SCUBE1: variants seen among roughly 807,000 people sequenced by gnomAD.
SCUBE1 encodes the protein signal peptide, CUB and EGF-like domain-containing protein 1.
Under a neutral mutation model 124.4 loss-of-function variants are expected in SCUBE1, and 59 were observed. That is an observed-to-expected ratio of 0.47 (90% CI 0.38 to 0.59). The LOEUF (loss-of-function observed/expected upper bound fraction) is 0.59. Among genes scored for constraint, SCUBE1 ranks in the 20% least tolerant of loss-of-function variants. The pLI is 0.00. For synonymous variants in SCUBE1, 545 were observed against 550.9 expected (o/e 0.99, Z 0.15); for missense variants, 1,150 against 1,371.2 (o/e 0.84, Z 2.55).
rs1920990107 is a variant in SCUBE1 at position 43,200,838 on chromosome 22, G to A, written c.*3159C>T. 1 of 152,350 alleles carries A rather than the reference G, an allele frequency of 6.6e-6. No individual in the cohort carries two copies. The highest frequency in any genetic ancestry group is 1.5e-5 in the Non-Finnish European group (1 of 68,122). 9.4% of individuals were successfully genotyped at this position (152,350 alleles called of 1,614,324 possible). On this transcript the variant is annotated 3_prime_UTR_variant, in exon 22 of 22. Coordinates refer to ENST00000360835, the MANE Select transcript of SCUBE1 (RefSeq NM_173050.5). ...GCACCTGCCCATCCAACTTTGCCCT[G>A]GGCACACTGGGCATGGTCTGACCAC...
chr22:43,259,511 C>G (rs1406725711), intron 5 of SCUBE1, among the ~76,000 whole-genome samples: 2 of 152,214 alleles, frequency 1.3e-5, no homozygotes, highest in Non-Finnish European at 2.9e-5. Context: ...GGGAAGTCAA[C>G]TGGTGGCAAC....
chr22:43,241,379 C>T (rs1476406921), intron 6 of SCUBE1, among the ~76,000 whole-genome samples: 8 of 152,108 alleles, frequency 5.3e-5, no homozygotes, highest in African/African-American at 1.9e-4. Flanking sequence ...CCCTCCTCTT[C>T]CCTGAAGAGG....
chr22:43,324,949 G>T (rs1439272147), intron 2 of SCUBE1, among the ~76,000 whole-genome samples: 1 of 148,238 alleles, frequency 6.7e-6, no homozygotes, highest in African/African-American at 2.5e-5. Flanking sequence ...TTCAGATGAG[G>T]TCATACTAGA....
intron 2 of SCUBE1, among the ~76,000 whole-genome samples, chr22:43,321,471 A>T (rs888600272): frequency 1.3e-5 from 2 of 152,162 alleles, no homozygotes; most frequent in Non-Finnish European, 2.9e-5. Flanking sequence ...CTGACTCTGG[A>T]GGTGTAAGCA....
intron 6 of SCUBE1, among the ~76,000 whole-genome samples, chr22:43,253,645 C>G (rs1415337862): frequency 6.7e-6 from 1 of 148,228 alleles, no homozygotes; most frequent in Admixed American, 6.6e-5. Flanking sequence ...CTCCTGACCC[C>G]ACTCCGGGGT....
intron 4 of SCUBE1, among the ~76,000 whole-genome samples, chr22:43,278,336 G>A (rs192777169): frequency 1.3e-5 from 2 of 152,252 alleles, no homozygotes; most frequent in Non-Finnish European, 1.5e-5. Flanking sequence ...CTTCTCCAAG[G>A]AGTGGCTGAA....
intron 2 of SCUBE1, among the ~76,000 whole-genome samples, chr22:43,326,713 C>T (rs550419266): frequency 9.2e-5 from 14 of 152,132 alleles, no homozygotes; most frequent in Non-Finnish European, 1.3e-4. Flanking sequence ...AGGTTCCCTC[C>T]CCTTTCCCAC....
rs553657787 is a variant in SCUBE1 at position 43,343,198 on chromosome 22, G to A, written c.64C>T (p.Leu22=). The A allele has an allele frequency of 0.016, 19,253 of 1,198,464 alleles. 217 individuals are homozygous for A. Among genetic ancestry groups the A allele is most frequent in the Non-Finnish European group, 0.017 (15,951 of 963,072 alleles). 74.2% of individuals were successfully genotyped at this position (1,198,464 alleles called of 1,614,324 possible). A position where few individuals can be genotyped will look rare whatever the true frequency, so the allele number is the denominator to read the frequency against. The change falls in exon 1 of 22, where the codon CTG becomes TTG. Residue 22 remains leucine, a synonymous_variant. Transcript: ENST00000360835. The part of the protein sequence containing the change: ...VLLALGTRGR[L]AGGSGLPGSV... ...CCTGGGAGCCCGCTGCCCCCGGCCA[G>A]CCGCCCGCGTGTGCCCAGGGCCAGC...
chr22:43,247,369 G>A (rs927003048), intron 6 of SCUBE1, among the ~76,000 whole-genome samples: 6 of 152,196 alleles, frequency 3.9e-5, no homozygotes, highest in Non-Finnish European at 5.9e-5. Context: ...ACTGAACCCC[G>A]GTCTGACTCT....
intron 3 of SCUBE1, among the ~76,000 whole-genome samples, chr22:43,314,464 C>A (rs1157825224): frequency 6.6e-6 from 1 of 152,034 alleles, no homozygotes; most frequent in Non-Finnish European, 1.5e-5. Context: ...TTCTGCCTCT[C>A]CTGTGGCTGC....
chr22:43,207,529 C>T lies in SCUBE1; in HGVS notation c.2814+5G>A. Reference sequence around the variant, plus strand: ...CGTGGATTCCCTTCCAATAAACTCACTCACTTTCAAAATTTCCTGGTGGTT... The same window carrying T: ...CGTGGATTCCCTTCCAATAAACTCATTCACTTTCAAAATTTCCTGGTGGTT... On this transcript the variant is annotated splice_donor_5th_base_variant and intron_variant, in intron 21 of 21. Coordinates refer to ENST00000360835, the MANE Select transcript of SCUBE1 (RefSeq NM_173050.5). 6.2e-7 allele frequency: 1 copy of T among 1,610,750 alleles called. No homozygotes were observed. The highest frequency in any genetic ancestry group is 8.5e-7 in the Non-Finnish European group (1 of 1,176,986).
intron 2 of SCUBE1, among the ~76,000 whole-genome samples, chr22:43,337,015 C>T (rs565816417): frequency 6.6e-6 from 1 of 152,034 alleles, no homozygotes; most frequent in South Asian, 2.1e-4. Flanking sequence ...AGGTGTTGTT[C>T]AGTGTTTCAG....
intron 4 of SCUBE1, among the ~76,000 whole-genome samples, chr22:43,269,243 C>A (rs1924196833): frequency 6.6e-6 from 1 of 152,164 alleles, no homozygotes. Flanking sequence ...TCTGACAGGC[C>A]CTGGCAGCCC....
chr22:43,339,618 C>CCCACAAGCA, intron 1 of SCUBE1, among the ~76,000 whole-genome samples: 2 of 142,994 alleles, frequency 1.4e-5, no homozygotes, highest in African/African-American at 2.9e-5. Flanking sequence ...ACTCTATCCC[C>CCCACAAGCA]TACTCTCCTT....
intron 16 of SCUBE1, chr22:43,213,498 G>A (rs1921665032): frequency 6.6e-6 from 1 of 152,282 alleles, no homozygotes; most frequent in South Asian, 2.1e-4. Context: ...AGTGGCCTGG[G>A]AAGAAAGGCT....
At chr22:43,229,260 C>T (rs1017112589) in intron 8 of SCUBE1, 72 bp from the exon 9 acceptor site, 2 of 1,025,394 alleles carry the variant, frequency 2.0e-6, no homozygotes, top group Non-Finnish European at 1.5e-6. Context: ...GCCTGTCACT[C>T]TCAGTCACTC....
intron 1 of SCUBE1, among the ~76,000 whole-genome samples, chr22:43,342,835 G>A (rs1483976259): frequency 2.0e-5 from 3 of 151,174 alleles, no homozygotes; most frequent in East Asian, 2.0e-4. Context: ...CCCAGGAGGA[G>A]CGCCCCTCTG....
intron 6 of SCUBE1, among the ~76,000 whole-genome samples, chr22:43,251,657 G>A (rs2146699563): frequency 6.6e-6 from 1 of 152,280 alleles, no homozygotes; most frequent in East Asian, 1.9e-4. Flanking sequence ...AAGCTGGAAA[G>A]GCAAGGAAGG....
At chr22:43,220,654 T>C in intron 13 of SCUBE1, 67 bp from the exon 14 acceptor site, 2 of 1,565,284 alleles carry the variant, frequency 1.3e-6, no homozygotes, top group Non-Finnish European at 1.7e-6. Context: ...TACCAAGCCC[T>C]GCATACAGAG....
Sources: gnomAD v4.1 joint callset for allele counts (sites outside exome capture counted in the v4.1 genomes callset) on GRCh38, gnomAD v4.1.1 for gene constraint, MANE v1.5 for transcripts, NCBI Gene and HGNC (gene_info 2026-07-23, HGNC 2026-07-21) for gene names.